SPAG16: variants seen among roughly 807,000 people sequenced by gnomAD.
SPAG16 encodes the protein sperm associated antigen 16.
A neutral mutation model predicts 80.4 loss-of-function variants in SPAG16; 86 were observed. The observed-to-expected ratio is 1.07, with a 90% CI of 0.90 to 1.28. SPAG16 has a LOEUF of 1.28. Ranked by LOEUF, SPAG16 falls within the 50% of genes most tolerant of loss-of-function variation. SPAG16 has a pLI of 0.00. For synonymous variants in SPAG16, 294 were observed against 265.9 expected (o/e 1.11, Z -1.03); for missense variants, 870 against 765.3 (o/e 1.14, Z -1.61).
chr2:213,812,911 T>C (rs2072265799), intron 10 of SPAG16, among the ~76,000 whole-genome samples: 1 of 152,112 alleles, frequency 6.6e-6, no homozygotes, highest in African/African-American at 2.4e-5. Flanking sequence ...TTATGAGGTT[T>C]GTATGTGAAA....
At chr2:214,085,096 G>A (rs1340901119) in intron 13 of SPAG16, among the ~76,000 whole-genome samples, 2 of 152,156 alleles carry the variant, frequency 1.3e-5, no homozygotes, top group South Asian at 2.1e-4. Context: ...GAGAAGGTAA[G>A]TCCAAGAGGC....
intron 13 of SPAG16, among the ~76,000 whole-genome samples, chr2:214,059,583 CA>C (rs959192137): frequency 6.6e-6 from 1 of 151,948 alleles, no homozygotes; most frequent in African/African-American, 2.4e-5. Flanking sequence ...GAATCACAAT[CA>C]TTATAGATTT....
intron 15 of SPAG16, among the ~76,000 whole-genome samples, chr2:214,150,157 A>G (rs2055906729): frequency 6.6e-6 from 1 of 152,114 alleles, no homozygotes; most frequent in Non-Finnish European, 1.5e-5. Context: ...TTGTTTTAAG[A>G]TAGTCCACGT....
At chr2:213,352,171 T>TTTTTTA (rs1213835473) in intron 7 of SPAG16, among the ~76,000 whole-genome samples, 1 of 151,652 alleles carries the variant, frequency 6.6e-6, no homozygotes. Flanking sequence ...TTTTTTTTTT[T>TTTTTTA]AATATATTTT....
chr2:213,661,810 C>G (rs906808145), intron 10 of SPAG16, among the ~76,000 whole-genome samples: 9 of 152,068 alleles, frequency 5.9e-5, no homozygotes, highest in Non-Finnish European at 1.3e-4. Context: ...AAATGTGTTA[C>G]TTATGTTCAA....
intron 9 of SPAG16, among the ~76,000 whole-genome samples, chr2:213,412,742 A>G (rs1438333536): frequency 6.6e-6 from 1 of 152,196 alleles, no homozygotes; most frequent in East Asian, 1.9e-4. Context: ...CACAGGGGCA[A>G]TGAAGAAAAT....
intron 10 of SPAG16, among the ~76,000 whole-genome samples, chr2:213,538,174 C>G (rs2076313855): frequency 6.6e-6 from 1 of 152,112 alleles, no homozygotes; most frequent in Admixed American, 6.6e-5. Flanking sequence ...ACTCTGTTTT[C>G]TTTCAATATG....
At chr2:214,147,371 A>G (rs909881262) in intron 14 of SPAG16, among the ~76,000 whole-genome samples, 5 of 152,152 alleles carry the variant, frequency 3.3e-5, no homozygotes, top group African/African-American at 9.7e-5. Context: ...ATTCAATGGG[A>G]TAAAGTATAC....
chr2:213,607,641 C>A (rs554206364), intron 10 of SPAG16, among the ~76,000 whole-genome samples: 1 of 152,152 alleles, frequency 6.6e-6, no homozygotes, highest in Non-Finnish European at 1.5e-5. Flanking sequence ...AGATGCACAC[C>A]GGAATCTACT....
chr2:214,161,590 A>G (rs1299306732), intron 15 of SPAG16, among the ~76,000 whole-genome samples: 1 of 152,058 alleles, frequency 6.6e-6, no homozygotes, highest in Admixed American at 6.6e-5. Context: ...TGTTGGTGGC[A>G]TGACTGTCTT....
intron 10 of SPAG16, among the ~76,000 whole-genome samples, chr2:213,655,215 C>T (rs892069111): frequency 4.6e-5 from 7 of 152,078 alleles, no homozygotes; most frequent in South Asian, 2.1e-4. Context: ...GGAGGCTGTG[C>T]GTATATAGGA....
rs959111390 is a variant in SPAG16 at position 213,712,198 on chromosome 2, A to G, written c.1071-150287A>G. ...AAGTATACGTGTAATAGCCGCAGGT[A>G]TTTCAGTCCATCTATAAAACCAAGG... On this transcript the variant is annotated intron_variant, in intron 10 of 15. Transcript: ENST00000331683. Among the ~76,000 whole-genome samples the G allele has an allele frequency of 2.0e-5, 3 of 152,272 alleles. No individual in the cohort carries two copies. The South Asian group carries it at 6.2e-4, about 32-fold the overall frequency.
At chr2:214,072,241 G>A (rs541101127) in intron 13 of SPAG16, among the ~76,000 whole-genome samples, 8 of 152,054 alleles carry the variant, frequency 5.3e-5, no homozygotes, top group Non-Finnish European at 1.2e-4. Context: ...TTATAACAAA[G>A]TAAAGCAAAA....
chr2:213,698,105 C>T (rs971113570), intron 10 of SPAG16, among the ~76,000 whole-genome samples: 2 of 151,992 alleles, frequency 1.3e-5, no homozygotes, highest in African/African-American at 4.8e-5. Flanking sequence ...GTTGATTTCC[C>T]CATTCTGGTG....
chr2:213,576,536 C>A (rs1049467618), intron 10 of SPAG16, among the ~76,000 whole-genome samples: 1 of 152,080 alleles, frequency 6.6e-6, no homozygotes, highest in East Asian at 1.9e-4. Flanking sequence ...ATGTTCATTG[C>A]AGCACTATTC....
At chr2:213,353,493 G>T (rs959647865) in intron 7 of SPAG16, among the ~76,000 whole-genome samples, 3 of 152,210 alleles carry the variant, frequency 2.0e-5, no homozygotes, top group Non-Finnish European at 4.4e-5. Context: ...AAATATGAAG[G>T]ACTCTTTAAG....
intron 15 of SPAG16, among the ~76,000 whole-genome samples, chr2:214,221,723 CTA>C (rs2058575646): frequency 6.6e-6 from 1 of 152,042 alleles, no homozygotes; most frequent in Admixed American, 6.6e-5. Context: ...CTTTAAAACT[CTA>C]TGCATCAGAG....
chr2:213,899,080 G>T (rs988548108), intron 11 of SPAG16, among the ~76,000 whole-genome samples: 2 of 152,106 alleles, frequency 1.3e-5, no homozygotes, highest in Admixed American at 1.3e-4. Flanking sequence ...TAGGATACCA[G>T]ATTAGAATAG....
intron 9 of SPAG16, among the ~76,000 whole-genome samples, chr2:213,458,861 C>G (rs1231856479): frequency 6.6e-6 from 1 of 152,106 alleles, no homozygotes; most frequent in Non-Finnish European, 1.5e-5. Context: ...CTGTAATAAT[C>G]AGTAATTACG....
Sources: allele counts gnomAD v4.1 joint callset (sites outside exome capture counted in the v4.1 genomes callset), GRCh38; gene constraint gnomAD v4.1.1; transcripts MANE v1.5; gene names NCBI Gene and HGNC (gene_info 2026-07-23, HGNC 2026-07-21).